Variants in DDX24 observed in about 807,000 individuals in gnomAD.
The protein encoded by DDX24 is DEAD-box helicase 24, also known as ATP-dependent RNA helicase DDX24.
Under a neutral mutation model 68.9 loss-of-function variants are expected in DDX24, and 24 were observed. That is an observed-to-expected ratio of 0.35 (90% CI 0.25 to 0.49). DDX24 has a LOEUF of 0.49. Among genes scored for constraint, DDX24 ranks in the 20% least tolerant of loss-of-function variants. DDX24 has a pLI of 0.99. For synonymous variants in DDX24, 395 were observed against 385.2 expected (o/e 1.03, Z -0.30); for missense variants, 989 against 1,039.0 (o/e 0.95, Z 0.66).
intron 2 of DDX24, among the ~76,000 whole-genome samples, chr14:94,074,461 G>A (rs112452424): frequency 0.061 from 9,298 of 152,124 alleles, 324 homozygotes; most frequent in Middle Eastern, 0.18. Flanking sequence ...GACTAAAAAT[G>A]AAAAACCACC....
chr14:94,053,239 C>A, intron 7 of DDX24, 112 bp from the exon 8 acceptor site: 1 of 1,428,816 alleles, frequency 7.0e-7, no homozygotes, highest in East Asian at 2.4e-5. Flanking sequence ...CTCTGCTGCC[C>A]AGGCTGGAGA....
At position 94,062,398 on chromosome 14, in the gene DDX24, T is replaced by C. The variant is rs763921487; in HGVS notation, c.942A>G (p.Ala314=). 3.1e-6 allele frequency: 5 copies of C among 1,614,082 alleles called. No individual in the cohort carries two copies. In the Admixed American group the frequency reaches 5.0e-5, roughly 16 times the overall value. ...CTCCAGTCTTGGCTCTGGCCTCGGC[T>C]GCAATATCACTGGGCAGTGCTTCAC... is the stretch of plus-strand genomic sequence containing the variant. ...IESEALPSDI[A]AEARAKTGGT... The change falls in exon 3 of 9, where the codon GCA becomes GCG. Residue 314 remains alanine (A), a synonymous_variant. Transcript: ENST00000621632.
chr14:94,076,480 C>A (rs533878791), intron 2 of DDX24, among the ~76,000 whole-genome samples: 1 of 151,934 alleles, frequency 6.6e-6, no homozygotes, highest in African/African-American at 2.4e-5. Flanking sequence ...CAGGAGTTTG[C>A]GACCAGCCTG....
chr14:94,058,492 T>C (rs1885530583), intron 5 of DDX24, among the ~76,000 whole-genome samples: 1 of 152,220 alleles, frequency 6.6e-6, no homozygotes, highest in Non-Finnish European at 1.5e-5. Context: ...GTGGGCTTAC[T>C]TTGCAATTTA....
At chr14:94,053,259 T>C (rs1016426252) in intron 7 of DDX24, 132 bp from the exon 8 acceptor site, 20 of 1,201,742 alleles carry the variant, frequency 1.7e-5, no homozygotes, top group South Asian at 3.0e-5. Context: ...AGCAGTGGCA[T>C]GATCATGGCT....
chr14:94,061,192 T>C lies in DDX24; in HGVS notation c.1244-126A>G. 3 of 1,108,136 alleles carry C rather than the reference T, an allele frequency of 2.7e-6. 1 individual carries two copies. Among genetic ancestry groups the C allele is most frequent in the South Asian group, 3.0e-5 (2 of 66,322 alleles). The allele number at this position is 1,108,136 out of a possible 1,614,324, so 68.6% of individuals were successfully genotyped here. A position where few individuals can be genotyped will look rare whatever the true frequency, so the allele number is the denominator to read the frequency against. Reference sequence around the variant, plus strand: ...ACAGTGTAATGCCCTAGAGCATTGCTAAAAGAGCAGGCCTGGCCAGACTGT... The same window carrying C: ...ACAGTGTAATGCCCTAGAGCATTGCCAAAAGAGCAGGCCTGGCCAGACTGT... On this transcript the variant is annotated intron_variant, in intron 3 of 8. Coordinates refer to ENST00000621632, the MANE Select transcript of DDX24 (RefSeq NM_020414.4).
chr14:94,057,686 T>G (rs1339825211), intron 6 of DDX24, 136 bp downstream of exon 6: 2 of 736,076 alleles, frequency 2.7e-6, no homozygotes, highest in Non-Finnish European at 4.3e-6. Flanking sequence ...GTGGGAGTAG[T>G]GGGCACTCGA....
chr14:94,076,680 C>CAA (rs35863241), intron 2 of DDX24, among the ~76,000 whole-genome samples: 5,053 of 99,890 alleles, frequency 0.051, 332 homozygotes, highest in African/African-American at 0.16. Flanking sequence ...GACTCCGTCT[C>CAA]AAAAAAAAAA....
At position 94,060,463 on chromosome 14, in the gene DDX24, A is replaced by G; in HGVS notation, c.1548T>C (p.Ala516=). ...GCTTCTTATGAAGGATTCGAGCAGG[A>G]GCCTGATGCACCAGGGTGAGTGTGG... ...FSATLTLVHQ[A]PARILHKKHT... is the part of the protein sequence containing the mutation. The change falls in exon 5 of 9, where the codon GCT becomes GCC. Residue 516 remains alanine, a synonymous_variant. Transcript: ENST00000621632. The G allele has an allele frequency of 6.2e-7, 1 of 1,614,156 alleles. No individual in the cohort carries two copies. Among genetic ancestry groups the G allele is most frequent in the Non-Finnish European group, 8.5e-7 (1 of 1,180,036 alleles).
At chr14:94,075,207 T>C (rs1225123468) in intron 2 of DDX24, among the ~76,000 whole-genome samples, 1 of 152,120 alleles carries the variant, frequency 6.6e-6, no homozygotes, top group East Asian at 1.9e-4. Context: ...AAAATAACTT[T>C]TAAAAAGAAC....
At chr14:94,064,882 T>TG (rs1343463907) in intron 2 of DDX24, among the ~76,000 whole-genome samples, 1 of 152,182 alleles carries the variant, frequency 6.6e-6, no homozygotes, top group East Asian at 1.9e-4. Context: ...GGGGCAACCT[T>TG]GTGGGACTGA....
rs547471097 is a variant in DDX24, at chr14:94,061,008, C to A, written c.1302G>T (p.Leu434=). 9 of 1,614,206 alleles carry A rather than the reference C, an allele frequency of 5.6e-6. No individual in the cohort carries two copies. In the Admixed American group the frequency reaches 1.3e-4, roughly 24 times the overall value. Residue 434 remains leucine, a synonymous_variant, in exon 4 of 9, where the codon CTG becomes CTT. Coordinates refer to ENST00000621632, the MANE Select transcript of DDX24 (RefSeq NM_020414.4). ...GMSTQKQQRM[L]NRRPEIVVAT... ...CAACCACAATCTCAGGACGACGGTTCAGCATCCTCTGCTGTTTCTGCGTGG... is the reference window on the plus strand; with the variant it reads ...CAACCACAATCTCAGGACGACGGTTAAGCATCCTCTGCTGTTTCTGCGTGG...
intron 2 of DDX24, among the ~76,000 whole-genome samples, chr14:94,068,032 T>C (rs1180227375): frequency 1.3e-5 from 2 of 152,054 alleles, no homozygotes; most frequent in Admixed American, 6.6e-5. Flanking sequence ...TGAATGGAAA[T>C]GGTCTAAATG....
In DDX24 at chr14:94,079,304, G is replaced by A. The variant is rs762752386; in HGVS notation, c.439C>T (p.Leu147=). Residue 147 remains leucine (L), a synonymous_variant, in exon 2 of 9, where the codon CTG becomes TTG. Coordinates refer to ENST00000621632, the MANE Select transcript of DDX24 (RefSeq NM_020414.4). ...PEAGEMTSEN[L]VQTAPKKKKN... ...TTCTTTTTTGGAGCAGTTTGGACCA[G>A]GTTTTCTGATGTCATCTCCCCAGCC... 1 of 1,614,044 alleles carries A rather than the reference G, an allele frequency of 6.2e-7. No individual in the cohort carries two copies. Among genetic ancestry groups the A allele is most frequent in the East Asian group, 2.2e-5 (1 of 44,882 alleles).
chr14:94,074,742 G>A (rs2039416769), intron 2 of DDX24, among the ~76,000 whole-genome samples: 1 of 152,066 alleles, frequency 6.6e-6, no homozygotes, highest in South Asian at 2.1e-4. Context: ...AAAACAAAAG[G>A]CATCCAAGAC....
chr14:94,070,577 T>A (rs998140856), intron 2 of DDX24, among the ~76,000 whole-genome samples: 1 of 151,872 alleles, frequency 6.6e-6, no homozygotes, highest in African/African-American at 2.4e-5. Flanking sequence ...AAAGAACAAA[T>A]CTGGAGGCAT....
At position 94,065,695 on chromosome 14, in the gene DDX24, G is replaced by C. The variant is rs149820643; in HGVS notation, c.719-3074C>G. ...ATACCGTGAGTGCCCCAACTGTGGA[G>C]AGGAGGGAGGCTCTCCTCTCCCAAA... is the stretch of plus-strand genomic sequence containing the variant. On this transcript the variant is annotated intron_variant, in intron 2 of 8. Transcript: ENST00000621632. Among the ~76,000 whole-genome samples, 742 of 152,330 alleles carry C rather than the reference G, an allele frequency of 4.9e-3. 4 individuals carry two copies. The highest frequency in any genetic ancestry group is 0.016 in the African/African-American group (683 of 41,578).
At chr14:94,078,725 G>A (rs1254886530) in intron 2 of DDX24, among the ~76,000 whole-genome samples, 1 of 152,220 alleles carries the variant, frequency 6.6e-6, no homozygotes, top group African/African-American at 2.4e-5. Flanking sequence ...CCAATGTACA[G>A]TGTAAGCTTT....
chr14:94,060,974 C>T lies in DDX24; in HGVS notation c.1336G>A (p.Gly446Ser). 1 of 1,614,208 alleles carries T rather than the reference C, an allele frequency of 6.2e-7. No homozygotes were observed. Among genetic ancestry groups the T allele is most frequent in the Non-Finnish European group, 8.5e-7 (1 of 1,180,034 alleles). ...RRPEIVVATP[G>S]RLWELIKEKH... Reference sequence around the variant, plus strand: ...TCTTTAATTAATTCCCACAGCCGGCCTGGAGTAGCAACCACAATCTCAGGA... The same window carrying T: ...TCTTTAATTAATTCCCACAGCCGGCTTGGAGTAGCAACCACAATCTCAGGA... The change falls in exon 4 of 9, where the codon GGC becomes AGC. Residue 446 changes from glycine (G) to serine (S), a missense_variant. Transcript: ENST00000621632.
Sources: gnomAD v4.1 joint callset for allele counts (sites outside exome capture counted in the v4.1 genomes callset) on GRCh38, gnomAD v4.1.1 for gene constraint, MANE v1.5 for transcripts, NCBI Gene and HGNC (gene_info 2026-07-23, HGNC 2026-07-21) for gene names.